The following INPP4B variants were observed in gnomAD, a reference collection of about 807,000 sequenced individuals.
The protein encoded by INPP4B is inositol polyphosphate 4-phosphatase type II.
Under a neutral mutation model 122.5 loss-of-function variants are expected in INPP4B, and 55 were observed. The ratio of observed to expected loss-of-function variants is 0.45; its 90% CI spans 0.36 to 0.56. The LOEUF (loss-of-function observed/expected upper bound fraction) is 0.56. INPP4B is among the 20% of genes least tolerant of loss of function. The pLI is 0.00. For missense variants in INPP4B, 1,000 were observed against 1,097.7 expected, an observed-to-expected ratio of 0.91 and a Z score of 1.26; for synonymous variants, 403 against 388.7, an observed-to-expected ratio of 1.04 and a Z score of -0.43.
intron 2 of INPP4B, among the ~76,000 whole-genome samples, chr4:142,636,476 C>A (rs959656706): frequency 6.6e-6 from 1 of 152,004 alleles, no homozygotes; most frequent in Non-Finnish European, 1.5e-5. Context: ...CATTGAGTTG[C>A]AAATTTTTCC....
chr4:142,403,767 C>G (rs926136595), intron 6 of INPP4B, among the ~76,000 whole-genome samples: 1 of 152,150 alleles, frequency 6.6e-6, no homozygotes, highest in Non-Finnish European at 1.5e-5. Context: ...ATGGAAATTT[C>G]TGGAAGCCCA....
At chr4:142,222,322 G>T (rs972309167) in intron 12 of INPP4B, among the ~76,000 whole-genome samples, 2 of 152,206 alleles carry the variant, frequency 1.3e-5, no homozygotes, top group African/African-American at 4.8e-5. Flanking sequence ...AGGCCAGAAT[G>T]CTTGAGTCAT....
chr4:142,417,371 T>C (rs926080600), intron 5 of INPP4B, among the ~76,000 whole-genome samples: 1 of 152,160 alleles, frequency 6.6e-6, no homozygotes, highest in Non-Finnish European at 1.5e-5. Context: ...GGGCCATAGA[T>C]TCAGTCCTGA....
chr4:142,459,412 A>G (rs1816247941), intron 3 of INPP4B, among the ~76,000 whole-genome samples: 2 of 152,290 alleles, frequency 1.3e-5, no homozygotes, highest in Admixed American at 1.3e-4. Flanking sequence ...ATGAGGGTAG[A>G]TAAAAGGAAG....
intron 18 of INPP4B, among the ~76,000 whole-genome samples, chr4:142,135,034 T>C (rs954753851): frequency 2.0e-5 from 3 of 152,140 alleles, no homozygotes; most frequent in Non-Finnish European, 4.4e-5. Context: ...ACCACTGAAA[T>C]AATTGTCTAA....
chr4:142,655,737 G>C (rs1754006292), intron 2 of INPP4B, among the ~76,000 whole-genome samples: 1 of 152,054 alleles, frequency 6.6e-6, no homozygotes, highest in Non-Finnish European at 1.5e-5. Context: ...TGGTTATTTT[G>C]ATTTGTGTAC....
chr4:142,140,133 C>T (rs1712378714), intron 18 of INPP4B, among the ~76,000 whole-genome samples: 1 of 152,140 alleles, frequency 6.6e-6, no homozygotes, highest in Admixed American at 6.5e-5. Context: ...AAACTAGAAA[C>T]AAATTCTAAG....
At chr4:142,108,333 G>A (rs983288707) in intron 22 of INPP4B, 143 bp from the exon 23 acceptor site, 5 of 649,014 alleles carry the variant, frequency 7.7e-6, no homozygotes, top group Non-Finnish European at 1.4e-5. Flanking sequence ...AATTCACAAT[G>A]GTGATTTCAA....
At chr4:142,656,986 A>G (rs1754277331) in intron 2 of INPP4B, among the ~76,000 whole-genome samples, 1 of 152,162 alleles carries the variant, frequency 6.6e-6, no homozygotes, top group African/African-American at 2.4e-5. Flanking sequence ...TCCTGGGGGC[A>G]TGGCCAGTAG....
chr4:142,685,732 C>A (rs563376971), intron 2 of INPP4B, among the ~76,000 whole-genome samples: 3 of 152,080 alleles, frequency 2.0e-5, no homozygotes, highest in African/African-American at 4.8e-5. Flanking sequence ...TGCACTCCCC[C>A]CTGGGAGACA....
intron 2 of INPP4B, among the ~76,000 whole-genome samples, chr4:142,518,516 T>C (rs1370467448): frequency 6.6e-6 from 1 of 152,162 alleles, no homozygotes; most frequent in Non-Finnish European, 1.5e-5. Context: ...AGCCAATCTC[T>C]AAGGTGACTT....
At chr4:142,470,464 A>G (rs923232510) in intron 2 of INPP4B, among the ~76,000 whole-genome samples, 1 of 152,198 alleles carries the variant, frequency 6.6e-6, no homozygotes, top group Non-Finnish European at 1.5e-5. Flanking sequence ...ACTTTCCTAC[A>G]TTCCCAAGAG....
intron 17 of INPP4B, among the ~76,000 whole-genome samples, chr4:142,150,648 A>T (rs1813381121): frequency 6.6e-6 from 1 of 152,074 alleles, no homozygotes; most frequent in Admixed American, 6.5e-5. Context: ...GTGCTCATTT[A>T]TTTCTGGGTT....
intron 25 of INPP4B, among the ~76,000 whole-genome samples, chr4:142,047,502 A>G (rs979486192): frequency 9.2e-5 from 14 of 152,016 alleles, no homozygotes; most frequent in Non-Finnish European, 1.9e-4. Context: ...ACCTGGTCCA[A>G]CCCCTTCATT....
intron 2 of INPP4B, among the ~76,000 whole-genome samples, chr4:142,588,625 A>C (rs1007627197): frequency 2.0e-5 from 3 of 150,962 alleles, no homozygotes; most frequent in African/African-American, 2.4e-5. Flanking sequence ...ATAAGAATAA[A>C]TATAACAAAA....
intron 1 of INPP4B, among the ~76,000 whole-genome samples, chr4:142,773,523 T>G (rs940740061): frequency 2.0e-5 from 3 of 152,202 alleles, no homozygotes; most frequent in Admixed American, 6.5e-5. Context: ...TATACTAGGA[T>G]ATTTCTTGAT....
chr4:142,110,073 T>C (rs1284484699), intron 22 of INPP4B, among the ~76,000 whole-genome samples: 1 of 152,168 alleles, frequency 6.6e-6, no homozygotes, highest in African/African-American at 2.4e-5. Flanking sequence ...ATTAGTGTTA[T>C]GGAATAAATG....
intron 25 of INPP4B, among the ~76,000 whole-genome samples, chr4:142,051,026 A>G (rs1754300267): frequency 1.3e-5 from 2 of 152,138 alleles, no homozygotes; most frequent in South Asian, 4.1e-4. Flanking sequence ...ATTTTTTAAA[A>G]TTTCTCTAGA....
Position 142,316,178 on chromosome 4 carries a change from C to T in INPP4B, c.373-1416G>A, listed in dbSNP as rs1256706552. Among the ~76,000 whole-genome samples the T allele has an allele frequency of 2.0e-5, 3 of 152,130 alleles. No individual in the cohort carries two copies. In the East Asian group the frequency reaches 5.8e-4, roughly 29 times the overall value. The stretch of plus-strand genomic sequence containing the variant: ...TATAACTCAAAATTGTTCATCCAAG[C>T]ACAAAATAAATGACATGAGAGATCC... On this transcript the variant is annotated intron_variant, in intron 7 of 25. Transcript: ENST00000262992.
Sources: allele counts gnomAD v4.1 joint callset (sites outside exome capture counted in the v4.1 genomes callset), GRCh38; gene constraint gnomAD v4.1.1; transcripts MANE v1.5; gene names NCBI Gene and HGNC (gene_info 2026-07-23, HGNC 2026-07-21).